The following GBE1 variants were observed in gnomAD, a reference collection of about 807,000 sequenced individuals.
The protein encoded by GBE1 is 1,4-alpha-glucan branching enzyme 1, also known as 1,4-alpha-glucan-branching enzyme.
Under a neutral mutation model 88.8 loss-of-function variants are expected in GBE1, and 70 were observed. The ratio of observed to expected loss-of-function variants is 0.79; its 90% CI spans 0.65 to 0.96. The LOEUF (loss-of-function observed/expected upper bound fraction) is 0.96, where lower values mean the gene tolerates loss of function less well. GBE1 is among the 40% of genes least tolerant of loss of function. GBE1 has a pLI of 0.00. For missense variants in GBE1, 872 were observed against 871.0 expected (o/e 1.00, Z -0.01); for synonymous variants, 284 against 300.1 (o/e 0.95, Z 0.56).
At chr3:81,597,955 C>T (rs1703981888) in intron 7 of GBE1, among the ~76,000 whole-genome samples, 1 of 151,732 alleles carries the variant, frequency 6.6e-6, no homozygotes. Flanking sequence ...TCCCTAAAAT[C>T]AAAAACTGTT....
chr3:81,626,845 T>C (rs1704424164), intron 7 of GBE1, among the ~76,000 whole-genome samples: 1 of 152,106 alleles, frequency 6.6e-6, no homozygotes, highest in African/African-American at 2.4e-5. Context: ...AGATTCAAAA[T>C]GTATATTAGC....
At position 81,646,459 on chromosome 3, in the gene GBE1, C is replaced by T; in HGVS notation, c.715G>A (p.Ala239Thr). Residue 239 changes from alanine to threonine, a missense_variant, in exon 6 of 16, where the codon GCA becomes ACA. Ala to Thr is a moderately conservative substitution (Grantham distance 58). Transcript: ENST00000429644. ...GLGYNCIQLM[A>T]IMEHAYYASF... ...GCATAGTAAGCATGCTCCATGATTG[C>T]CATCAACTGAATGCAGTTGTATCCT... 1 of 1,601,180 alleles carries T rather than the reference C, an allele frequency of 6.2e-7. No homozygotes were observed. The highest frequency in any genetic ancestry group is 8.5e-7 in the Non-Finnish European group (1 of 1,173,094).
intron 14 of GBE1, among the ~76,000 whole-genome samples, chr3:81,527,338 AG>A (rs1463361092): frequency 1.3e-5 from 2 of 152,152 alleles, no homozygotes; most frequent in African/African-American, 2.4e-5. Flanking sequence ...AAACACCAAA[AG>A]CAATGGCAAC....
intron 1 of GBE1, among the ~76,000 whole-genome samples, chr3:81,720,428 G>A (rs753852673): frequency 4.6e-5 from 7 of 150,926 alleles, no homozygotes; most frequent in Non-Finnish European, 1.0e-4. Flanking sequence ...ACCTAACTCC[G>A]ATGAAACAGA....
intron 3 of GBE1, among the ~76,000 whole-genome samples, chr3:81,655,712 G>A (rs1704929047): frequency 6.6e-6 from 1 of 151,782 alleles, no homozygotes; most frequent in South Asian, 2.1e-4. Flanking sequence ...TAGAGGCAGG[G>A]TTTCACCATG....
At chr3:81,571,191 A>G (rs1208284771) in intron 12 of GBE1, among the ~76,000 whole-genome samples, 1 of 152,174 alleles carries the variant, frequency 6.6e-6, no homozygotes, top group African/African-American at 2.4e-5. Context: ...ACAGCTCCTC[A>G]TATACCTTTT....
intron 1 of GBE1, among the ~76,000 whole-genome samples, chr3:81,759,636 C>A (rs2107247770): frequency 6.6e-6 from 1 of 152,244 alleles, no homozygotes; most frequent in Middle Eastern, 3.4e-3. Context: ...AAAGTAAAAT[C>A]CGGGTCAGAG....
chr3:81,555,676 T>C (rs1386822568), intron 12 of GBE1, among the ~76,000 whole-genome samples: 1 of 152,136 alleles, frequency 6.6e-6, no homozygotes, highest in African/African-American at 2.4e-5. Flanking sequence ...AGGACCCAGG[T>C]TTCCTGCTTC....
At chr3:81,688,131 A>G (rs1705465773) in intron 2 of GBE1, among the ~76,000 whole-genome samples, 1 of 152,246 alleles carries the variant, frequency 6.6e-6, no homozygotes, top group Non-Finnish European at 1.5e-5. Flanking sequence ...TGTTACACAA[A>G]GTATGGAAAT....
chr3:81,737,731 ATG>A (rs1428303740), intron 1 of GBE1, among the ~76,000 whole-genome samples: 2 of 101,322 alleles, frequency 2.0e-5, no homozygotes, highest in Non-Finnish European at 3.7e-5. Context: ...TAGATTAAAA[ATG>A]TGTGTTTTTT....
In GBE1 at chr3:81,565,401, A is replaced by C. The variant is rs531601004; in HGVS notation, c.1618+12524T>G. ...TTAAATCTTTATTGTATTCCTATCT[A>C]TCAGAAAAATAGAAGAATTTACAAG... On this transcript the variant is annotated intron_variant, in intron 12 of 15. Coordinates refer to ENST00000429644, the MANE Select transcript of GBE1 (RefSeq NM_000158.4). Among the ~76,000 whole-genome samples, 5 of 152,286 alleles carry C rather than the reference A, an allele frequency of 3.3e-5. No homozygotes were observed. The East Asian group carries it at 5.8e-4, about 18-fold the overall frequency.
Position 81,723,393 on chromosome 3 carries a change from G to A in GBE1, c.144-17780C>T, listed in dbSNP as rs538031407. ...TGGGATTACAGGTGTGAGCCACTGC[G>A]CCCAGCCAAATAAAAGTAATTTTTA... On this transcript the variant is annotated intron_variant, in intron 1 of 15. Coordinates refer to ENST00000429644, the MANE Select transcript of GBE1 (RefSeq NM_000158.4). Among the ~76,000 whole-genome samples, 8 of 151,388 alleles carry A rather than the reference G, an allele frequency of 5.3e-5. No individual in the cohort carries two copies. The East Asian group carries it at 1.2e-3, about 22-fold the overall frequency.
At chr3:81,730,142 GATGAGCTT>G (rs1706166128) in intron 1 of GBE1, among the ~76,000 whole-genome samples, 1 of 152,082 alleles carries the variant, frequency 6.6e-6, no homozygotes, top group Non-Finnish European at 1.5e-5. Context: ...CTATATAGAT[GATGAGCTT>G]ACACTCAAGT....
At chr3:81,688,054 A>G (rs545594621) in intron 2 of GBE1, among the ~76,000 whole-genome samples, 18 of 152,218 alleles carry the variant, frequency 1.2e-4, no homozygotes, top group Non-Finnish European at 2.4e-4. Flanking sequence ...GCATATCAAA[A>G]CCTCTAAAAA....
At chr3:81,686,854 T>A (rs1705449933) in intron 2 of GBE1, among the ~76,000 whole-genome samples, 1 of 152,186 alleles carries the variant, frequency 6.6e-6, no homozygotes, top group Non-Finnish European at 1.5e-5. Flanking sequence ...AATCTTCTCA[T>A]TCTTATTACG....
chr3:81,552,255 C>T (rs1374163278), intron 12 of GBE1, among the ~76,000 whole-genome samples: 3 of 152,160 alleles, frequency 2.0e-5, no homozygotes, highest in African/African-American at 4.8e-5. Flanking sequence ...TGGTGGCTCA[C>T]GCCTGTAATC....
rs184652394 is a variant in GBE1 at position 81,588,816 on chromosome 3, A to G, written c.1236+2221T>C. ...GGTAAGAGAGATGGATTTGAGACTG[A>G]TCAAAGCCTTCTTCTACGGCAATAA... On this transcript the variant is annotated intron_variant, in intron 9 of 15. Coordinates refer to ENST00000429644, the MANE Select transcript of GBE1 (RefSeq NM_000158.4). 3.3e-5 allele frequency among the ~76,000 whole-genome samples: 5 copies of G among 152,278 alleles called. No individual in the cohort carries two copies. The East Asian group carries it at 9.6e-4, about 29-fold the overall frequency.
At chr3:81,526,129 G>A (rs1702941203) in intron 14 of GBE1, among the ~76,000 whole-genome samples, 1 of 152,130 alleles carries the variant, frequency 6.6e-6, no homozygotes, top group South Asian at 2.1e-4. Flanking sequence ...ATGTTAGGGT[G>A]TCAATTTTAG....
At chr3:81,525,425 C>T (rs1221727445) in intron 14 of GBE1, among the ~76,000 whole-genome samples, 1 of 151,958 alleles carries the variant, frequency 6.6e-6, no homozygotes, top group Non-Finnish European at 1.5e-5. Context: ...CTGCTGGATT[C>T]GGTTTGCCAG....
Sources: gnomAD v4.1 joint callset for allele counts (sites outside exome capture counted in the v4.1 genomes callset) on GRCh38, gnomAD v4.1.1 for gene constraint, MANE v1.5 for transcripts, NCBI Gene and HGNC (gene_info 2026-07-23, HGNC 2026-07-21) for gene names.